MYCBP2: variants seen among roughly 807,000 people sequenced by gnomAD.
MYCBP2 encodes the protein MYC binding protein 2, also known as E3 ubiquitin-protein ligase MYCBP2.
MYCBP2 carries 120 observed loss-of-function variants against 525.3 expected under a neutral mutation model. The ratio of observed to expected loss-of-function variants is 0.23; its 90% confidence interval spans 0.20 to 0.27. The LOEUF is 0.27. MYCBP2 is among the 10% of genes least tolerant of loss of function. The pLI is 1.00. For missense variants in MYCBP2, 4,149 were observed against 5,657.1 expected (o/e 0.73, Z 8.55); for synonymous variants, 1,894 against 1,955.8 (o/e 0.97, Z 0.83).
intron 15 of MYCBP2, among the ~76,000 whole-genome samples, chr13:77,244,361 G>C (rs1361968503): frequency 6.6e-6 from 1 of 152,162 alleles, no homozygotes; most frequent in Non-Finnish European, 1.5e-5. Context: ...GGCAGGTGTT[G>C]GTAGCCTTCA....
intron 6 of MYCBP2, 28 bp from the exon 7 acceptor site, chr13:77,270,091 C>A: frequency 1.3e-6 from 2 of 1,560,878 alleles, no homozygotes; most frequent in Non-Finnish European, 1.7e-6. Flanking sequence ...GTTAGTATAT[C>A]AGTGGTTTCA....
intron 24 of MYCBP2, 63 bp downstream of exon 24, chr13:77,206,589 TA>T (rs199956144): frequency 1.4e-4 from 186 of 1,321,044 alleles, no homozygotes; most frequent in South Asian, 3.4e-4. Flanking sequence ...TTAAATACTC[TA>T]AAAAAAAACC....
At chr13:77,186,193 A>AT (rs1343881752) in intron 30 of MYCBP2, 130 bp from the exon 31 acceptor site, 72 of 608,366 alleles carry the variant, frequency 1.2e-4, no homozygotes, top group African/African-American at 3.2e-4. Flanking sequence ...TTTTAATTGA[A>AT]TTTTTTTTAC....
chr13:77,229,941 T>C (rs2066900690), intron 18 of MYCBP2, among the ~76,000 whole-genome samples: 3 of 152,228 alleles, frequency 2.0e-5, no homozygotes, highest in Non-Finnish European at 4.4e-5. Flanking sequence ...ACAATTCAGA[T>C]GTTCCTAACT....
chr13:77,177,976 G>A, intron 34 of MYCBP2, 22 bp from the exon 35 acceptor site: 1 of 1,419,934 alleles, frequency 7.0e-7, no homozygotes, highest in Non-Finnish European at 1.0e-6. Flanking sequence ...AAAAGCAATT[G>A]TATCAGTAGT....
At chr13:77,096,039 G>C (rs1383893770) in intron 57 of MYCBP2, among the ~76,000 whole-genome samples, 2 of 151,842 alleles carry the variant, frequency 1.3e-5, no homozygotes, top group African/African-American at 4.8e-5. Flanking sequence ...GAGAATAACA[G>C]ACAATTAATA....
chr13:77,049,006 A>T (rs141933651), intron 82 of MYCBP2, among the ~76,000 whole-genome samples: 82 of 152,312 alleles, frequency 5.4e-4, no homozygotes, highest in African/African-American at 1.9e-3. Context: ...TTATCTCCCA[A>T]GCTCCTCCAG....
At chr13:77,172,610 T>C (rs951585400) in intron 37 of MYCBP2, among the ~76,000 whole-genome samples, 1 of 152,078 alleles carries the variant, frequency 6.6e-6, no homozygotes, top group Non-Finnish European at 1.5e-5. Flanking sequence ...AATATGGAAG[T>C]AGAAGAAAAG....
chr13:77,291,337 C>T lies in MYCBP2; in HGVS notation c.379-2961G>A, dbSNP rs188158022. 3.5e-3 allele frequency among the ~76,000 whole-genome samples: 534 copies of T among 152,334 alleles called. 2 individuals carry two copies. Among genetic ancestry groups the T allele is most frequent in the Non-Finnish European group, 5.2e-3 (357 of 68,040 alleles). ...CTAAAACCACAATGGGAAACCCCTA[C>T]TTAGTAGGCTGACTAAAATTTAAAA... On this transcript the variant is annotated intron_variant, in intron 2 of 82. Transcript: ENST00000544440.
At chr13:77,186,928 C>G (rs1248147693) in intron 30 of MYCBP2, among the ~76,000 whole-genome samples, 3 of 151,462 alleles carry the variant, frequency 2.0e-5, no homozygotes, top group African/African-American at 4.9e-5. Context: ...ACCACCCCCT[C>G]AGCCTCCCAA....
chr13:77,249,897 T>C (rs918017312), intron 15 of MYCBP2, among the ~76,000 whole-genome samples: 2 of 152,338 alleles, frequency 1.3e-5, no homozygotes, highest in East Asian at 3.9e-4. Context: ...ACGACTTTAT[T>C]GCTTATACTA....
Position 77,168,534 on chromosome 13 carries a change from G to A in MYCBP2, c.6008C>T (p.Thr2003Ile), listed in dbSNP as rs1401206203. 1 of 1,614,168 alleles carries A rather than the reference G, an allele frequency of 6.2e-7. No individual in the cohort carries two copies. The highest frequency in any genetic ancestry group is 8.5e-7 in the Non-Finnish European group (1 of 1,180,040). ...FNPNQSTDSTTGNQPEQGLSA... is the reference protein window; with the variant it reads ...FNPNQSTDSTIGNQPEQGLSA... ...GAGGCCCTGTTCAGGCTGGTTTCCT[G>A]TGGTGCTATCTGTCGACTGATTAGG... is the stretch of plus-strand genomic sequence containing the variant. The change falls in exon 40 of 83, where the codon ACA (threonine) becomes ATA (isoleucine). Residue 2003 changes from threonine (T) to isoleucine (I), a missense_variant. Thr to Ile is a moderately conservative substitution (Grantham distance 89). Around this residue, in one of 21 missense-constraint regions of MYCBP2, gnomAD observed 692 missense variants for 852.7 expected, o/e 0.81. Coordinates refer to ENST00000544440, the MANE Select transcript of MYCBP2 (RefSeq NM_015057.5).
chr13:77,103,774 T>C (rs947644028), intron 55 of MYCBP2, among the ~76,000 whole-genome samples: 3 of 152,040 alleles, frequency 2.0e-5, no homozygotes, highest in African/African-American at 4.8e-5. Flanking sequence ...AATTTTCCAG[T>C]ATGTATCTCA....
At chr13:77,132,097 C>T (rs764905846) in intron 52 of MYCBP2, among the ~76,000 whole-genome samples, 5 of 152,088 alleles carry the variant, frequency 3.3e-5, no homozygotes, top group South Asian at 2.1e-4. Context: ...ATTCTGTTTA[C>T]GAAACTTTAA....
intron 22 of MYCBP2, 74 bp from the exon 23 acceptor site, chr13:77,211,394 T>A: frequency 1.3e-6 from 1 of 750,458 alleles, no homozygotes; most frequent in Non-Finnish European, 1.8e-6. Context: ...CATAAAGTAG[T>A]ATTATCTCCA....
chr13:77,289,999 A>T (rs1397422739), intron 2 of MYCBP2, among the ~76,000 whole-genome samples: 1 of 152,224 alleles, frequency 6.6e-6, no homozygotes, highest in African/African-American at 2.4e-5. Flanking sequence ...TATTCAGAAT[A>T]TATAAAGAAT....
chr13:77,060,852 C>T (rs979678106), intron 76 of MYCBP2, among the ~76,000 whole-genome samples: 32 of 152,080 alleles, frequency 2.1e-4, no homozygotes, highest in Non-Finnish European at 4.4e-5. Flanking sequence ...AGGGAATTAT[C>T]AATAGAAATG....
At chr13:77,142,554 A>G (rs2154185411) in intron 49 of MYCBP2, among the ~76,000 whole-genome samples, 1 of 152,336 alleles carries the variant, frequency 6.6e-6, no homozygotes, top group South Asian at 2.1e-4. Context: ...TATTTTGGTG[A>G]AATATTAATT....
chr13:77,057,529 G>C (rs928783138), intron 78 of MYCBP2, among the ~76,000 whole-genome samples: 1 of 152,162 alleles, frequency 6.6e-6, no homozygotes, highest in Admixed American at 6.5e-5. Flanking sequence ...ACTTGTGTAT[G>C]TATAGAAGTA....
Sources: gnomAD v4.1 joint callset for allele counts (sites outside exome capture counted in the v4.1 genomes callset) on GRCh38, gnomAD v4.1.1 for gene constraint, gnomAD v4.1.1 regional missense constraint, MANE v1.5 for transcripts, NCBI Gene and HGNC (gene_info 2026-07-23, HGNC 2026-07-21) for gene names.